MGAT4C: variants seen among roughly 807,000 people sequenced by gnomAD.
MGAT4C encodes the protein alpha-1,3-mannosyl-glycoprotein 4-beta-N-acetylglucosaminyltransferase C.
A neutral mutation model predicts 40.1 loss-of-function variants in MGAT4C; 19 were observed. That is an observed-to-expected ratio of 0.47 (90% CI 0.33 to 0.70). The LOEUF is 0.70. Ranked by LOEUF, MGAT4C falls within the 30% of genes least tolerant of loss-of-function variation. The pLI is 0.02. For synonymous variants in MGAT4C, 181 were observed against 187.1 expected (o/e 0.97, Z 0.27); for missense variants, 491 against 563.2 (o/e 0.87, Z 1.30).
rs1882837478 is a variant in MGAT4C, at chr12:85,957,165, G to A, written c.*22124C>T. ...AGTCAGAACTCAGTTGTTTATAAAA[G>A]AAATAGTAATAACATGCTACCTGGG... On this transcript the variant is annotated 3_prime_UTR_variant, in exon 5 of 5. Coordinates refer to ENST00000611864, the MANE Select transcript of MGAT4C (RefSeq NM_001351288.2). 1 of 152,270 alleles carries A rather than the reference G, an allele frequency of 6.6e-6. No homozygotes were observed. The highest frequency in any genetic ancestry group is 2.4e-5 in the African/African-American group (1 of 41,564). The allele number at this position is 152,270 out of a possible 1,614,324, so 9.4% of individuals were successfully genotyped here.
At chr12:86,240,575 T>C (rs1951742185) in intron 1 of MGAT4C, among the ~76,000 whole-genome samples, 1 of 152,134 alleles carries the variant, frequency 6.6e-6, no homozygotes, top group Admixed American at 6.6e-5. Context: ...TAACCAAAAT[T>C]CAGATTCTGC....
At chr12:86,223,386 A>G (rs375854123) in intron 1 of MGAT4C, among the ~76,000 whole-genome samples, 1 of 152,276 alleles carries the variant, frequency 6.6e-6, no homozygotes, top group African/African-American at 2.4e-5. Flanking sequence ...ACTGCTACCC[A>G]AGGACAAAAA....
At chr12:86,521,949 T>C (rs554739258) in intron 2 of MGAT4C, among the ~76,000 whole-genome samples, 5 of 152,266 alleles carry the variant, frequency 3.3e-5, no homozygotes, top group African/African-American at 9.6e-5. Context: ...TGTACATTGA[T>C]TTGGTATCCT....
chr12:86,599,326 T>C (rs1287639729), intron 2 of MGAT4C, among the ~76,000 whole-genome samples: 1 of 152,286 alleles, frequency 6.6e-6, no homozygotes, highest in Non-Finnish European at 1.5e-5. Context: ...AAAATTCCAA[T>C]CATTATTATC....
chr12:86,705,015 C>A (rs915021839), intron 2 of MGAT4C, among the ~76,000 whole-genome samples: 5 of 152,008 alleles, frequency 3.3e-5, no homozygotes, highest in Admixed American at 6.6e-5. Flanking sequence ...GGCATGTTAT[C>A]CGGGCCCCAC....
chr12:86,741,879 A>G (rs115734439), intron 1 of MGAT4C, among the ~76,000 whole-genome samples: 3,217 of 151,520 alleles, frequency 0.021, 105 homozygotes, highest in African/African-American at 0.073. Context: ...TAACTCCTCC[A>G]TAGTTTTAGA....
intron 2 of MGAT4C, among the ~76,000 whole-genome samples, chr12:86,598,969 T>A (rs1002130827): frequency 6.6e-5 from 10 of 152,268 alleles, no homozygotes; most frequent in African/African-American, 2.4e-4. Context: ...CTAACAGAAC[T>A]AAGGGATTTA....
At chr12:86,187,481 T>A (rs764485130) in intron 1 of MGAT4C, among the ~76,000 whole-genome samples, 3 of 152,088 alleles carry the variant, frequency 2.0e-5, no homozygotes, top group Non-Finnish European at 4.4e-5. Context: ...ATTACTTTTT[T>A]CCTACATTAC....
chr12:86,091,431 A>G (rs1872860786), intron 1 of MGAT4C, among the ~76,000 whole-genome samples: 1 of 152,100 alleles, frequency 6.6e-6, no homozygotes, highest in Non-Finnish European at 1.5e-5. Flanking sequence ...GCACTTTGAT[A>G]TCACTAGCCA....
chr12:86,152,420 A>C (rs1884406068), intron 1 of MGAT4C, among the ~76,000 whole-genome samples: 1 of 151,772 alleles, frequency 6.6e-6, no homozygotes, highest in South Asian at 2.1e-4. Flanking sequence ...AAGCAAAGGC[A>C]CTCCCTCTAG....
At chr12:86,084,312 T>A (rs1039612691) in intron 1 of MGAT4C, among the ~76,000 whole-genome samples, 1 of 152,036 alleles carries the variant, frequency 6.6e-6, no homozygotes, top group African/African-American at 2.4e-5. Context: ...AAGTGTGAAA[T>A]TAATTTTCCT....
intron 2 of MGAT4C, among the ~76,000 whole-genome samples, chr12:86,456,026 A>G (rs976500443): frequency 6.6e-6 from 1 of 152,156 alleles, no homozygotes; most frequent in Non-Finnish European, 1.5e-5. Context: ...TAAGAAAAAT[A>G]TGCTTAAAAA....
intron 2 of MGAT4C, among the ~76,000 whole-genome samples, chr12:86,446,582 G>A (rs890576139): frequency 2.8e-5 from 4 of 144,168 alleles, no homozygotes; most frequent in African/African-American, 1.0e-4. Flanking sequence ...TGAATACCAT[G>A]CATTATTTTC....
chr12:86,221,137 A>G (rs889908473), intron 1 of MGAT4C, among the ~76,000 whole-genome samples: 1 of 152,190 alleles, frequency 6.6e-6, no homozygotes, highest in East Asian at 1.9e-4. Flanking sequence ...CAGAGAAGCT[A>G]CTTGGTTAAA....
chr12:86,451,675 C>T (rs6538040), intron 2 of MGAT4C, among the ~76,000 whole-genome samples: 132,233 of 152,024 alleles, frequency 0.87, 57,622 homozygotes, highest in East Asian at 1. Context: ...TGAGTATATA[C>T]AGGTCCCATT....
At chr12:86,590,644 G>A (rs969872716) in intron 2 of MGAT4C, among the ~76,000 whole-genome samples, 1 of 151,898 alleles carries the variant, frequency 6.6e-6, no homozygotes, top group African/African-American at 2.4e-5. Flanking sequence ...TGATTATGCA[G>A]ATGGCTTAAG....
chr12:86,615,472 G>A (rs1407341455), intron 2 of MGAT4C, among the ~76,000 whole-genome samples: 1 of 151,964 alleles, frequency 6.6e-6, no homozygotes, highest in Non-Finnish European at 1.5e-5. Context: ...TGGAAACCCG[G>A]TATTAAACTC....
At chr12:86,368,160 G>T (rs958354923) in intron 3 of MGAT4C, among the ~76,000 whole-genome samples, 1 of 152,116 alleles carries the variant, frequency 6.6e-6, no homozygotes, top group Admixed American at 6.6e-5. Flanking sequence ...ATCTGGAATT[G>T]TCAAGAATAT....
chr12:86,005,145 C>T (rs1319825058), intron 2 of MGAT4C, among the ~76,000 whole-genome samples: 2 of 152,114 alleles, frequency 1.3e-5, no homozygotes, highest in East Asian at 3.9e-4. Flanking sequence ...GTCTCCTTGC[C>T]AATAAACTCA....
Sources: gnomAD v4.1 joint callset for allele counts (sites outside exome capture counted in the v4.1 genomes callset) on GRCh38, gnomAD v4.1.1 for gene constraint, MANE v1.5 for transcripts, NCBI Gene and HGNC (gene_info 2026-07-23, HGNC 2026-07-21) for gene names.